The following ENOPH1 variants were observed in gnomAD, a reference collection of about 807,000 sequenced individuals.
ENOPH1 encodes the protein enolase-phosphatase E1.
Under a neutral mutation model 31.1 loss-of-function variants are expected in ENOPH1, and 14 were observed. The observed-to-expected ratio is 0.45, with a 90% CI of 0.30 to 0.70. The LOEUF is 0.70. Ranked by LOEUF, ENOPH1 falls within the 30% of genes least tolerant of loss-of-function variation. The pLI, the probability that ENOPH1 is intolerant of heterozygous loss-of-function variation, is 0.09. For missense variants in ENOPH1, 243 were observed against 321.5 expected (o/e 0.76, Z 1.87); for synonymous variants, 127 against 123.2 (o/e 1.03, Z -0.21).
intron 2 of ENOPH1, among the ~76,000 whole-genome samples, chr4:82,448,816 T>C (rs1722265370): frequency 6.6e-6 from 1 of 151,080 alleles, no homozygotes; most frequent in South Asian, 2.1e-4. Flanking sequence ...CCCAGCACTT[T>C]GGGAGGCCGA....
intron 3 of ENOPH1, among the ~76,000 whole-genome samples, chr4:82,453,232 C>T (rs1205535130): frequency 1.3e-5 from 2 of 152,194 alleles, no homozygotes; most frequent in Non-Finnish European, 1.5e-5. Context: ...AGGCCATTGC[C>T]TGCTGTAAAC....
rs559034029 is a variant in ENOPH1, at chr4:82,441,549, A to G, written c.85-6371A>G. On this transcript the variant is annotated intron_variant, in intron 1 of 5. Coordinates refer to ENST00000273920, the MANE Select transcript of ENOPH1 (RefSeq NM_021204.5). ...CTCTGGAGGCTGAGGCAGGAGAATGACGTGAACCCGGGAGGCAGAGCTTGC... is the reference window on the plus strand; with the variant it reads ...CTCTGGAGGCTGAGGCAGGAGAATGGCGTGAACCCGGGAGGCAGAGCTTGC... Among the ~76,000 whole-genome samples, 59 of 152,196 alleles carry G rather than the reference A, an allele frequency of 3.9e-4. 1 individual carries two copies. The highest frequency in any genetic ancestry group is 6.8e-3 in the Middle Eastern group (2 of 294).
intron 1 of ENOPH1, 30 bp from the exon 2 acceptor site, chr4:82,447,888 ACT>A (rs1321388330): frequency 7.3e-7 from 1 of 1,369,438 alleles, no homozygotes; most frequent in Non-Finnish European, 1.0e-6. Context: ...ATAAAAGCTA[ACT>A]CTTGTATTTT....
chr4:82,447,900 T>A lies in ENOPH1; in HGVS notation c.85-20T>A, dbSNP rs1280334968. On this transcript the variant is annotated intron_variant, in intron 1 of 5. Transcript: ENST00000273920. ...CTGATAAAAGCTAACTCTTGTATTT[T>A]CTTTTACTCTTTTATCCAGGACATT... is the stretch of plus-strand genomic sequence containing the variant. 6.7e-7 allele frequency: 1 copy of A among 1,486,126 alleles called. No individual in the cohort carries two copies. The highest frequency in any genetic ancestry group is 1.8e-5 in the Admixed American group (1 of 54,638). The allele number at this position is 1,486,126 out of a possible 1,614,324, so 92.1% of individuals were successfully genotyped here.
At chr4:82,433,805 T>G (rs1204946750) in intron 1 of ENOPH1, among the ~76,000 whole-genome samples, 1 of 152,212 alleles carries the variant, frequency 6.6e-6, no homozygotes, top group Non-Finnish European at 1.5e-5. Context: ...CAAAAAACTT[T>G]TAGTAGAGTA....
intron 3 of ENOPH1, among the ~76,000 whole-genome samples, chr4:82,452,900 C>CT (rs761337281): frequency 0.031 from 3,547 of 115,852 alleles, 72 homozygotes; most frequent in Non-Finnish European, 0.043. Context: ...CTGAGAAATT[C>CT]TTTTTTTTTT....
intron 5 of ENOPH1, 25 bp from the exon 6 acceptor site, chr4:82,459,956 A>G (rs776491709): frequency 1.2e-6 from 2 of 1,612,112 alleles, no homozygotes; most frequent in South Asian, 1.1e-5. Flanking sequence ...TTTCTGACAC[A>G]CACACATCCT....
rs184295861 is a variant in ENOPH1, at chr4:82,432,901, C to T, written c.84+1988C>T. On this transcript the variant is annotated intron_variant, in intron 1 of 5. Coordinates refer to ENST00000273920, the MANE Select transcript of ENOPH1 (RefSeq NM_021204.5). ...CTGGGATTATAGGCGCGAGCCACCG[C>T]GCCTGACCTTCCCCCACGTTTTTAA... is the stretch of plus-strand genomic sequence containing the variant. 2.9e-3 allele frequency among the ~76,000 whole-genome samples: 438 copies of T among 152,366 alleles called. 1 individual carries two copies. The highest frequency in any genetic ancestry group is 0.01 in the African/African-American group (425 of 41,596).
chr4:82,432,574 A>G (rs185433740), intron 1 of ENOPH1, among the ~76,000 whole-genome samples: 5 of 151,882 alleles, frequency 3.3e-5, no homozygotes, highest in East Asian at 3.9e-4. Flanking sequence ...ACCTCAAGTG[A>G]TTCACCCACC....
intron 1 of ENOPH1, among the ~76,000 whole-genome samples, chr4:82,446,289 G>T (rs938313727): frequency 6.6e-6 from 1 of 151,906 alleles, no homozygotes; most frequent in African/African-American, 2.4e-5. Flanking sequence ...GTGGTGGCAG[G>T]TGCCTGTAAT....
chr4:82,431,005 G>A (rs1721733852), intron 1 of ENOPH1, 92 bp downstream of exon 1: 2 of 1,141,534 alleles, frequency 1.8e-6, no homozygotes. Context: ...GGAGACGAGG[G>A]TTAGGAGAGG....
Position 82,460,294 on chromosome 4 carries a change from C to A in ENOPH1, c.*174C>A. 1 of 558,014 alleles carries A rather than the reference C, an allele frequency of 1.8e-6. No homozygotes were observed. Among genetic ancestry groups the A allele is most frequent in the East Asian group, 3.1e-5 (1 of 32,248 alleles). The allele number at this position is 558,014 out of a possible 1,614,324, so 34.6% of individuals were successfully genotyped here. ...CCATAGGTACATAAGTGAAAGAAGT[C>A]TCAGTTCAGTGAACACAAAACTTAT... On this transcript the variant is annotated 3_prime_UTR_variant, in exon 6 of 6. Coordinates refer to ENST00000273920, the MANE Select transcript of ENOPH1 (RefSeq NM_021204.5).
chr4:82,449,596 T>G (rs929727756), intron 2 of ENOPH1, among the ~76,000 whole-genome samples: 1 of 152,128 alleles, frequency 6.6e-6, no homozygotes, highest in African/African-American at 2.4e-5. Context: ...AGGATGGTGC[T>G]AAACAAACCA....
intron 1 of ENOPH1, among the ~76,000 whole-genome samples, chr4:82,442,275 T>C (rs1232204394): frequency 6.6e-6 from 1 of 152,192 alleles, no homozygotes; most frequent in African/African-American, 2.4e-5. Context: ...TCCCAGCACT[T>C]TGGGAGGCCA....
rs558295266 is a variant in ENOPH1, at chr4:82,434,797, C to T, written c.84+3884C>T. 3.4e-4 allele frequency among the ~76,000 whole-genome samples: 52 copies of T among 152,150 alleles called. 1 individual carries two copies. Among genetic ancestry groups the T allele is most frequent in the African/African-American group, 1.1e-3 (46 of 41,498 alleles). The stretch of plus-strand genomic sequence containing the variant: ...TGGCGCACACCTGTAATCCCAGCTA[C>T]TGGGGAGGCTGAGGTGGGAGAATCG... On this transcript the variant is annotated intron_variant, in intron 1 of 5. Coordinates refer to ENST00000273920, the MANE Select transcript of ENOPH1 (RefSeq NM_021204.5).
intron 1 of ENOPH1, among the ~76,000 whole-genome samples, chr4:82,434,074 A>G (rs1298455509): frequency 6.6e-6 from 1 of 152,192 alleles, no homozygotes; most frequent in African/African-American, 2.4e-5. Context: ...TTTACTTAGG[A>G]TGAAACAAAG....
In ENOPH1 at chr4:82,443,921, G is replaced by A. The variant is rs191742142; in HGVS notation, c.85-3999G>A. 2.6e-5 allele frequency among the ~76,000 whole-genome samples: 4 copies of A among 152,078 alleles called. No individual in the cohort carries two copies. In the East Asian group the frequency reaches 7.7e-4, roughly 29 times the overall value. On this transcript the variant is annotated intron_variant, in intron 1 of 5. Transcript: ENST00000273920. Reference sequence around the variant, plus strand: ...TCTCCCTGTCACCCAGGGAGTACAGGCTGGAGTACAGTGGTGTGATCTCAG... The same window carrying A: ...TCTCCCTGTCACCCAGGGAGTACAGACTGGAGTACAGTGGTGTGATCTCAG...
chr4:82,449,729 T>C (rs1423491840), intron 2 of ENOPH1, among the ~76,000 whole-genome samples: 1 of 152,172 alleles, frequency 6.6e-6, no homozygotes, highest in Non-Finnish European at 1.5e-5. Context: ...TCATTCTCCA[T>C]ATGACAGTAC....
intron 1 of ENOPH1, among the ~76,000 whole-genome samples, chr4:82,442,955 G>A (rs896883707): frequency 6.6e-6 from 1 of 152,082 alleles, no homozygotes; most frequent in Non-Finnish European, 1.5e-5. Flanking sequence ...TTACAGGCGC[G>A]AGCCACCACA....
Sources: gnomAD v4.1 joint callset for allele counts (sites outside exome capture counted in the v4.1 genomes callset) on GRCh38, gnomAD v4.1.1 for gene constraint, MANE v1.5 for transcripts, NCBI Gene and HGNC (gene_info 2026-07-23, HGNC 2026-07-21) for gene names.